MAP2K6: variants seen among roughly 807,000 people sequenced by gnomAD.
The protein encoded by MAP2K6 is dual specificity mitogen-activated protein kinase kinase 6.
MAP2K6 carries 16 observed loss-of-function variants against 53.7 expected under a neutral mutation model. The ratio of observed to expected loss-of-function variants is 0.30; its 90% CI spans 0.20 to 0.45. MAP2K6 has a LOEUF of 0.45. Ranked by LOEUF, MAP2K6 falls within the 20% of genes least tolerant of loss-of-function variation. The probability of loss-of-function intolerance (pLI) is 1.00; values close to 1 mark genes in which losing one functional copy is unlikely to be tolerated. For synonymous variants in MAP2K6, 132 were observed against 143.1 expected (o/e 0.92, Z 0.55); for missense variants, 204 against 411.9 (o/e 0.50, Z 4.37).
At position 69,494,453 on chromosome 17, in the gene MAP2K6, G is replaced by A. The variant is rs974196955; in HGVS notation, c.17-11327G>A. ...GCAGAGGTTGCTGTGAGCCAAGGTC[G>A]TGCCACTGCACTCCAGCCTGGGTGA... On this transcript the variant is annotated intron_variant, in intron 1 of 11. Coordinates refer to ENST00000590474, the MANE Select transcript of MAP2K6 (RefSeq NM_002758.4). The surrounding 1 kb of genome is among the most constrained non-coding windows in gnomAD (Gnocchi z 4.2). Among the ~76,000 whole-genome samples, 3 of 151,616 alleles carry A rather than the reference G, an allele frequency of 2.0e-5. No homozygotes were observed. The highest frequency in any genetic ancestry group is 4.4e-5 in the Non-Finnish European group (3 of 67,932).
chr17:69,487,011 C>A (rs1338141044), intron 1 of MAP2K6, among the ~76,000 whole-genome samples: 1 of 152,186 alleles, frequency 6.6e-6, no homozygotes, highest in Non-Finnish European at 1.5e-5. Context: ...GAGTCTAGAT[C>A]TCCCTGGATA....
chr17:69,501,226 G>A (rs3809761), intron 1 of MAP2K6, among the ~76,000 whole-genome samples: 20,468 of 152,120 alleles, frequency 0.13, 1,705 homozygotes, highest in Non-Finnish European at 0.18. Flanking sequence ...TCTCATAGTC[G>A]TGCCCCCAAC....
intron 1 of MAP2K6, among the ~76,000 whole-genome samples, chr17:69,493,395 T>TA (rs377336628): frequency 1.3e-5 from 2 of 152,052 alleles, no homozygotes; most frequent in Non-Finnish European, 2.9e-5. Flanking sequence ...TAACCTGTTA[T>TA]AAAAACGAGC....
At chr17:69,523,706 G>T (rs1910612425) in intron 8 of MAP2K6, 65 bp downstream of exon 8, 13 of 1,587,446 alleles carry the variant, frequency 8.2e-6, no homozygotes, top group Non-Finnish European at 1.1e-5. Flanking sequence ...TGGGAAACAA[G>T]AAATGGATGG....
intron 1 of MAP2K6, 49 bp downstream of exon 1, chr17:69,415,049 C>T: frequency 6.6e-7 from 1 of 1,505,734 alleles, no homozygotes; most frequent in Non-Finnish European, 9.2e-7. Context: ...GTTGTGCATG[C>T]ATTTATGAAT....
chr17:69,485,578 G>A, intron 1 of MAP2K6: 2 of 373,032 alleles, frequency 5.4e-6, no homozygotes, highest in Non-Finnish European at 7.4e-6. Flanking sequence ...AGGACCCCAT[G>A]GGAAATCTTG....
intron 1 of MAP2K6, among the ~76,000 whole-genome samples, chr17:69,469,071 A>T (rs1381460813): frequency 6.6e-6 from 1 of 152,146 alleles, no homozygotes; most frequent in Non-Finnish European, 1.5e-5. Flanking sequence ...TTTCTAGGGG[A>T]GAATAGACCC....
intron 7 of MAP2K6, among the ~76,000 whole-genome samples, chr17:69,523,163 G>A (rs1598309050): frequency 6.6e-6 from 1 of 152,108 alleles, no homozygotes; most frequent in South Asian, 2.1e-4. Flanking sequence ...TTACTCCTAC[G>A]TTAAATATCA....
At chr17:69,459,383 T>C (rs1401618470) in intron 1 of MAP2K6, among the ~76,000 whole-genome samples, 1 of 152,006 alleles carries the variant, frequency 6.6e-6, no homozygotes, top group Non-Finnish European at 1.5e-5. Context: ...ATCTTTACAA[T>C]TCAAGGAAAA....
At chr17:69,526,904 A>G (rs1910805318) in intron 10 of MAP2K6, among the ~76,000 whole-genome samples, 195 bp downstream of exon 10, 1 of 152,222 alleles carries the variant, frequency 6.6e-6, no homozygotes, top group African/African-American at 2.4e-5. Flanking sequence ...CAAGTAGAGA[A>G]GTCTCATAAA....
Position 69,506,790 on chromosome 17 carries a change from C to T in MAP2K6, c.83+944C>T, listed in dbSNP as rs375960747. On this transcript the variant is annotated intron_variant, in intron 2 of 11. Transcript: ENST00000590474. ...CGTGAAGCAGTATACAGACACTTTC[C>T]ACTGGAGAATTTTTAAGGACAAAGT... Among the ~76,000 whole-genome samples, 285 of 152,260 alleles carry T rather than the reference C, an allele frequency of 1.9e-3. 1 individual carries two copies. The highest frequency in any genetic ancestry group is 6.6e-3 in the African/African-American group (274 of 41,548).
chr17:69,495,512 A>G (rs894548075), intron 1 of MAP2K6, among the ~76,000 whole-genome samples: 2 of 152,222 alleles, frequency 1.3e-5, no homozygotes, highest in African/African-American at 4.8e-5. Context: ...CTGGAATTAC[A>G]GGCTTGAGCT....
At chr17:69,524,259 G>C (rs139877775) in intron 8 of MAP2K6, among the ~76,000 whole-genome samples, 1 of 151,912 alleles carries the variant, frequency 6.6e-6, no homozygotes, top group Admixed American at 6.6e-5. Context: ...CATATAGCCT[G>C]CACAGTTTTC....
In MAP2K6 at chr17:69,512,328, G is replaced by GTTTTTTTTTTTTTT; in HGVS notation, c.84-4517_84-4516insTTTTTTTTTTTTTT. On this transcript the variant is annotated intron_variant, in intron 2 of 11. Transcript: ENST00000590474. ...TTCTAATCTCATTGTCTTTCTAAGTGTTTTTTTTTTGTTTTTTTTTTTTTT... is the reference window on the plus strand; with the variant it reads ...TTCTAATCTCATTGTCTTTCTAAGTGTTTTTTTTTTTTTTTTTTTTTTTTGTTTTTTTTTTTTTT... Among the ~76,000 whole-genome samples the GTTTTTTTTTTTTTT allele has an allele frequency of 1.7e-3, 126 of 75,208 alleles. 27 individuals carry two copies. The highest frequency in any genetic ancestry group is 2.1e-3 in the African/African-American group (44 of 20,498). The allele number at this position is 75,208 out of a possible 152,430, so 49.3% of individuals were successfully genotyped here.
intron 1 of MAP2K6, among the ~76,000 whole-genome samples, chr17:69,419,098 G>C (rs771429255): frequency 1.3e-5 from 2 of 152,078 alleles, no homozygotes; most frequent in Non-Finnish European, 2.9e-5. Context: ...TCTTTCTGTA[G>C]TAGTACACAT....
chr17:69,488,226 C>A (rs936646157), intron 1 of MAP2K6, among the ~76,000 whole-genome samples: 1 of 151,932 alleles, frequency 6.6e-6, no homozygotes, highest in Non-Finnish European at 1.5e-5. Flanking sequence ...CAAATCAATA[C>A]CACAATGAGA....
rs1444122586 is a variant in MAP2K6 at position 69,544,270 on chromosome 17, C to T, written c.*2517C>T. The T allele has an allele frequency of 6.6e-6, 1 of 152,100 alleles. No individual in the cohort carries two copies. The highest frequency in any genetic ancestry group is 1.5e-5 in the Non-Finnish European group (1 of 68,026). The allele number at this position is 152,100 out of a possible 1,614,324, so 9.4% of individuals were successfully genotyped here. ...GATAGGAAGTGTAGAACACCTTTTC[C>T]CCAGAGAAGCAATATTTTGCACTGT... On this transcript the variant is annotated 3_prime_UTR_variant, in exon 12 of 12. Coordinates refer to ENST00000590474, the MANE Select transcript of MAP2K6 (RefSeq NM_002758.4).
intron 1 of MAP2K6, 190 bp from the exon 2 acceptor site, chr17:69,505,590 T>G: frequency 3.6e-6 from 2 of 552,630 alleles, no homozygotes; most frequent in Non-Finnish European, 6.5e-6. Context: ...ACAGTCTGTA[T>G]TTGAGAAGCT....
At chr17:69,523,692 A>G (rs771123038) in intron 8 of MAP2K6, 51 bp downstream of exon 8, 10 of 1,599,060 alleles carry the variant, frequency 6.3e-6, no homozygotes, top group Non-Finnish European at 8.6e-6. Flanking sequence ...CCGACAAATC[A>G]TGCTGGGAAA....
Sources: allele counts gnomAD v4.1 joint callset (sites outside exome capture counted in the v4.1 genomes callset), GRCh38; gene constraint gnomAD v4.1.1; non-coding constraint Gnocchi (gnomAD v3.1); transcripts MANE v1.5; gene names NCBI Gene and HGNC (gene_info 2026-07-23, HGNC 2026-07-21).